The following GSK3B variants were observed in gnomAD, a reference collection of about 807,000 sequenced individuals.
GSK3B encodes the protein glycogen synthase kinase-3 beta.
In GSK3B, 15 loss-of-function variants were observed where a neutral mutation model predicts 56.4. The observed-to-expected ratio is 0.27, with a 90% CI of 0.18 to 0.41. GSK3B has a LOEUF of 0.41. GSK3B is among the 10% of genes least tolerant of loss of function. The probability of loss-of-function intolerance (pLI) is 1.00; values close to 1 mark genes in which losing one functional copy is unlikely to be tolerated. For synonymous variants in GSK3B, 181 were observed against 188.9 expected, an observed-to-expected ratio of 0.96 and a Z score of 0.34; for missense variants, 300 against 513.4, an observed-to-expected ratio of 0.58 and a Z score of 4.02.
At chr3:119,872,369 G>A (rs993213401) in intron 8 of GSK3B, among the ~76,000 whole-genome samples, 2 of 152,082 alleles carry the variant, frequency 1.3e-5, no homozygotes, top group Non-Finnish European at 2.9e-5. Flanking sequence ...AGAGTGAAGA[G>A]GCAAGCAATT....
intron 1 of GSK3B, among the ~76,000 whole-genome samples, chr3:120,039,718 G>C (rs2058050319): frequency 6.6e-6 from 1 of 152,164 alleles, no homozygotes; most frequent in South Asian, 2.1e-4. Context: ...AGCCCATGCG[G>C]GAGTGACACA....
intron 2 of GSK3B, among the ~76,000 whole-genome samples, chr3:119,950,720 T>C (rs2057149171): frequency 2.0e-5 from 3 of 152,084 alleles, no homozygotes; most frequent in Non-Finnish European, 4.4e-5. Context: ...AAGAAAACAA[T>C]CACTTCAGGG....
At chr3:119,993,087 T>A (rs1576254851) in intron 2 of GSK3B, among the ~76,000 whole-genome samples, 1 of 143,646 alleles carries the variant, frequency 7.0e-6, no homozygotes, top group African/African-American at 2.6e-5. Context: ...AAATATAGCT[T>A]AAAGAAAAAG....
Position 119,903,457 on chromosome 3 carries a change from T to TA in GSK3B, c.813+2297dup, listed in dbSNP as rs1309891602. ...TTTTATTTCAGAGTTGGCCTGCTAC[T>TA]ACATATTGATCACGGACCATTTTGG... On this transcript the variant is annotated intron_variant, in intron 7 of 10. Coordinates refer to ENST00000264235, the MANE Select transcript of GSK3B (RefSeq NM_001146156.2). Among the ~76,000 whole-genome samples the TA allele has an allele frequency of 2.6e-5, 4 of 151,736 alleles. No individual in the cohort carries two copies. In the East Asian group the frequency reaches 7.7e-4, roughly 29 times the overall value.
chr3:119,845,798 A>T (rs1396354095), intron 9 of GSK3B, among the ~76,000 whole-genome samples: 1 of 152,244 alleles, frequency 6.6e-6, no homozygotes, highest in African/African-American at 2.4e-5. Flanking sequence ...TTCTTCAAAG[A>T]ATTAGAAAAA....
chr3:119,921,610 C>G (rs1013473733), intron 4 of GSK3B, among the ~76,000 whole-genome samples: 2 of 152,040 alleles, frequency 1.3e-5, no homozygotes. Flanking sequence ...TCAAATGATC[C>G]GGTTTCTTTA....
At chr3:120,029,908 G>A (rs1460119369) in intron 1 of GSK3B, 1 of 545,674 alleles carries the variant, frequency 1.8e-6, no homozygotes, top group African/African-American at 1.9e-5. Flanking sequence ...GGTCCATGAT[G>A]CCTGAGAGCC....
intron 1 of GSK3B, among the ~76,000 whole-genome samples, chr3:120,018,996 A>G (rs1488359361): frequency 1.3e-5 from 2 of 152,226 alleles, no homozygotes; most frequent in Non-Finnish European, 2.9e-5. Flanking sequence ...CTAAATATGA[A>G]ACATTTTGGA....
chr3:119,873,017 T>A (rs2056267530), intron 8 of GSK3B, among the ~76,000 whole-genome samples: 1 of 152,170 alleles, frequency 6.6e-6, no homozygotes, highest in Non-Finnish European at 1.5e-5. Flanking sequence ...CTTTGCAGTG[T>A]ACAGCGTACA....
chr3:120,087,448 C>A (rs2058473541), intron 1 of GSK3B, among the ~76,000 whole-genome samples: 1 of 151,960 alleles, frequency 6.6e-6, no homozygotes, highest in African/African-American at 2.4e-5. Flanking sequence ...AGGAAAATCG[C>A]TTGAACCTGG....
intron 1 of GSK3B, among the ~76,000 whole-genome samples, chr3:120,022,010 A>C (rs1354759451): frequency 5.9e-5 from 9 of 152,256 alleles, no homozygotes; most frequent in Non-Finnish European, 1.0e-4. Context: ...TGCCTGGACA[A>C]CACAGTGAGA....
chr3:119,926,061 A>T (rs778546315), intron 3 of GSK3B, among the ~76,000 whole-genome samples: 4 of 151,814 alleles, frequency 2.6e-5, no homozygotes, highest in Non-Finnish European at 4.4e-5. Context: ...GCTTCCTCCT[A>T]TTCTCCTTGA....
intron 1 of GSK3B, among the ~76,000 whole-genome samples, chr3:120,044,502 C>T (rs1209847368): frequency 6.6e-6 from 1 of 151,958 alleles, no homozygotes; most frequent in East Asian, 1.9e-4. Flanking sequence ...AAAATCACAA[C>T]ACTGAAAAGT....
At chr3:119,858,666 A>C (rs916989512) in intron 9 of GSK3B, among the ~76,000 whole-genome samples, 4 of 152,170 alleles carry the variant, frequency 2.6e-5, no homozygotes, top group Non-Finnish European at 5.9e-5. Flanking sequence ...TGCATTCACA[A>C]CTTGGCAAAC....
chr3:119,922,212 A>AGGAAGGAAGGAGGGAGGGAGGGAG (rs1553733639), intron 4 of GSK3B, among the ~76,000 whole-genome samples: 2 of 113,852 alleles, frequency 1.8e-5, no homozygotes, highest in African/African-American at 7.5e-5. Context: ...GAAGGAGGGA[A>AGGAAGGAAGGAGGGAGGGAGGGAG]GGAAGGAAGG....
At chr3:119,999,943 T>C (rs1292379789) in intron 2 of GSK3B, among the ~76,000 whole-genome samples, 1 of 152,188 alleles carries the variant, frequency 6.6e-6, no homozygotes. Context: ...TGAAGAACCA[T>C]AGAAGATTTA....
At chr3:119,905,712 A>C (rs777500660) in intron 7 of GSK3B, 43 bp downstream of exon 7, 2 of 1,105,812 alleles carry the variant, frequency 1.8e-6, no homozygotes, top group Non-Finnish European at 2.8e-6. Context: ...AAAGTAGCAC[A>C]AAAATTCCTT....
chr3:120,042,946 C>T (rs1559888454), intron 1 of GSK3B, among the ~76,000 whole-genome samples: 1 of 152,218 alleles, frequency 6.6e-6, no homozygotes, highest in Non-Finnish European at 1.5e-5. Context: ...GATGGCTCTA[C>T]AGACTGCCTT....
chr3:120,033,683 G>C (rs1184736294), intron 1 of GSK3B, among the ~76,000 whole-genome samples: 7 of 152,132 alleles, frequency 4.6e-5, no homozygotes, highest in Non-Finnish European at 8.8e-5. Context: ...GGAGTTGAAT[G>C]AATCATGGGG....
Sources: gnomAD v4.1 joint callset for allele counts (sites outside exome capture counted in the v4.1 genomes callset) on GRCh38, gnomAD v4.1.1 for gene constraint, MANE v1.5 for transcripts, NCBI Gene and HGNC (gene_info 2026-07-23, HGNC 2026-07-21) for gene names.